GPC5: variants seen among roughly 807,000 people sequenced by gnomAD.
GPC5 encodes glypican 5.
In GPC5, 47 loss-of-function variants were observed where a neutral mutation model predicts 53.9. That is an observed-to-expected ratio of 0.87 (90% CI 0.69 to 1.11). The LOEUF is 1.11. Ranked by LOEUF, GPC5 falls within the 50% of genes most tolerant of loss-of-function variation. The probability of loss-of-function intolerance (pLI) is 0.00; values close to 1 mark genes in which losing one functional copy is unlikely to be tolerated. For missense variants in GPC5, 748 were observed against 713.1 expected, an observed-to-expected ratio of 1.05 and a Z score of -0.56; for synonymous variants, 286 against 263.3, an observed-to-expected ratio of 1.09 and a Z score of -0.84.
At chr13:92,667,190 G>A (rs146060773) in intron 7 of GPC5, among the ~76,000 whole-genome samples, 9 of 150,678 alleles carry the variant, frequency 6.0e-5, no homozygotes, top group Middle Eastern at 3.4e-3. Flanking sequence ...GCATGTGCAC[G>A]CATGTGTGTC....
chr13:91,978,431 A>G (rs1309696376), intron 6 of GPC5, among the ~76,000 whole-genome samples: 2 of 152,354 alleles, frequency 1.3e-5, no homozygotes, highest in African/African-American at 4.8e-5. Context: ...ACCACTGGCG[A>G]CAAATATAGC....
At chr13:92,786,878 A>C (rs944536368) in intron 7 of GPC5, among the ~76,000 whole-genome samples, 2 of 152,170 alleles carry the variant, frequency 1.3e-5, no homozygotes, top group Admixed American at 6.5e-5. Context: ...GGAGGGAGCC[A>C]GATACACCGC....
intron 5 of GPC5, among the ~76,000 whole-genome samples, chr13:91,846,109 T>G (rs1222767398): frequency 6.6e-6 from 1 of 152,164 alleles, no homozygotes; most frequent in Non-Finnish European, 1.5e-5. Flanking sequence ...GAAAGAGTTG[T>G]GGGGCTCCCT....
intron 2 of GPC5, among the ~76,000 whole-genome samples, chr13:91,500,317 T>C (rs1261208169): frequency 6.6e-6 from 1 of 152,208 alleles, no homozygotes; most frequent in Non-Finnish European, 1.5e-5. Flanking sequence ...TGTATAGAAA[T>C]AGAGAAGTCT....
chr13:92,672,759 T>A (rs967071786), intron 7 of GPC5, among the ~76,000 whole-genome samples: 2 of 152,116 alleles, frequency 1.3e-5, no homozygotes, highest in Non-Finnish European at 2.9e-5. Flanking sequence ...TGGAGGCCAT[T>A]ATCCTTAGCA....
intron 6 of GPC5, among the ~76,000 whole-genome samples, chr13:92,106,307 C>T (rs1326363547): frequency 6.6e-6 from 1 of 151,882 alleles, no homozygotes; most frequent in Non-Finnish European, 1.5e-5. Context: ...CTTAAACAGG[C>T]AGTATATGCA....
At chr13:92,492,356 G>T (rs536198083) in intron 7 of GPC5, among the ~76,000 whole-genome samples, 1 of 151,682 alleles carries the variant, frequency 6.6e-6, no homozygotes, top group African/African-American at 2.4e-5. Context: ...GGGTGGGAGA[G>T]GGGGGAGGGA....
chr13:92,260,821 A>T (rs2139141128), intron 7 of GPC5, among the ~76,000 whole-genome samples: 1 of 152,272 alleles, frequency 6.6e-6, no homozygotes, highest in African/African-American at 2.4e-5. Flanking sequence ...AATTAACATG[A>T]GAATTGAAAA....
At chr13:92,624,886 C>T (rs1594359116) in intron 7 of GPC5, among the ~76,000 whole-genome samples, 1 of 152,232 alleles carries the variant, frequency 6.6e-6, no homozygotes, top group Admixed American at 6.5e-5. Flanking sequence ...GTCTAAAGGG[C>T]AGTCAGTGTC....
At chr13:92,425,548 G>GT (rs1452544529) in intron 7 of GPC5, among the ~76,000 whole-genome samples, 1 of 152,076 alleles carries the variant, frequency 6.6e-6, no homozygotes, top group Non-Finnish European at 1.5e-5. Context: ...CAACTAAGGA[G>GT]TGGCTGTCCA....
chr13:92,190,863 A>G (rs962632932), intron 7 of GPC5, among the ~76,000 whole-genome samples: 4 of 152,098 alleles, frequency 2.6e-5, no homozygotes, highest in African/African-American at 4.8e-5. Context: ...TTTTACTCCA[A>G]CTGTATCAAT....
chr13:92,734,438 C>T (rs1888884559), intron 7 of GPC5, among the ~76,000 whole-genome samples: 1 of 151,676 alleles, frequency 6.6e-6, no homozygotes, highest in Non-Finnish European at 1.5e-5. Context: ...TAACACTAAG[C>T]TTTGTATAGC....
At chr13:91,712,338 A>G (rs9560840) in intron 3 of GPC5, among the ~76,000 whole-genome samples, 10,998 of 151,238 alleles carry the variant, frequency 0.073, 481 homozygotes, top group East Asian at 0.24. Flanking sequence ...GTATATATAT[A>G]TGTGTGTGTG....
At chr13:92,426,324 A>G (rs1183077729) in intron 7 of GPC5, among the ~76,000 whole-genome samples, 1 of 151,764 alleles carries the variant, frequency 6.6e-6, no homozygotes, top group Admixed American at 6.6e-5. Flanking sequence ...TCTACAGCCA[A>G]CTCTGAGCCT....
At chr13:92,161,825 C>T (rs1446546444) in intron 7 of GPC5, among the ~76,000 whole-genome samples, 1 of 151,036 alleles carries the variant, frequency 6.6e-6, no homozygotes, top group African/African-American at 2.4e-5. Context: ...TACATTAATA[C>T]AATAGGTATT....
intron 7 of GPC5, among the ~76,000 whole-genome samples, chr13:92,855,058 A>G (rs753214007): frequency 6.6e-6 from 1 of 151,982 alleles, no homozygotes; most frequent in Non-Finnish European, 1.5e-5. Flanking sequence ...ATAAATGCAA[A>G]TGACTAATGG....
chr13:92,267,845 A>C (rs1594051610), intron 7 of GPC5, among the ~76,000 whole-genome samples: 1 of 152,128 alleles, frequency 6.6e-6, no homozygotes. Flanking sequence ...TGACCCTATA[A>C]GAAGAAAACT....
chr13:92,124,248 GAAAAAAAAAA>G (rs34042033), intron 6 of GPC5, among the ~76,000 whole-genome samples: 1 of 54,984 alleles, frequency 1.8e-5, no homozygotes, highest in African/African-American at 7.2e-5. Context: ...CGGACAGAAT[GAAAAAAAAAA>G]AAAAAAAAAA....
chr13:92,639,146 A>G (rs963667556), intron 7 of GPC5, among the ~76,000 whole-genome samples: 1 of 152,298 alleles, frequency 6.6e-6, no homozygotes, highest in African/African-American at 2.4e-5. Context: ...GAGTAATACC[A>G]GTCACAGAAT....
Sources: allele counts gnomAD v4.1 joint callset (sites outside exome capture counted in the v4.1 genomes callset), GRCh38; gene constraint gnomAD v4.1.1; transcripts MANE v1.5; gene names NCBI Gene and HGNC (gene_info 2026-07-23, HGNC 2026-07-21).